LAMB4: variants seen among roughly 807,000 people sequenced by gnomAD.
The protein encoded by LAMB4 is laminin subunit beta-4.
A neutral mutation model predicts 199.2 loss-of-function variants in LAMB4; 196 were observed. That is an observed-to-expected ratio of 0.98 (90% CI 0.88 to 1.11). The LOEUF is 1.11. Among genes scored for constraint, LAMB4 ranks in the 50% least tolerant of loss-of-function variants. LAMB4 has a pLI of 0.00. For missense variants in LAMB4, 2,080 were observed against 2,171.2 expected (o/e 0.96, Z 0.83); for synonymous variants, 744 against 770.6 (o/e 0.97, Z 0.57).
At chr7:108,073,785 G>C (rs1348433298) in intron 17 of LAMB4, among the ~76,000 whole-genome samples, 1 of 152,206 alleles carries the variant, frequency 6.6e-6, no homozygotes, top group Non-Finnish European at 1.5e-5. Flanking sequence ...TTGGGTCAGA[G>C]ACCACAGTGC....
chr7:108,016,052 A>C, the LAMB4 span, among the ~76,000 whole-genome samples: 1 of 152,126 alleles, frequency 6.6e-6, no homozygotes, highest in South Asian at 2.1e-4. Context: ...AAAATGATTC[A>C]CTATTTGATG....
rs143840335 is a variant in LAMB4, at chr7:108,066,016, A to T, written c.2679-97T>A. ...ATGCTTTAAAACAGTGCACCTCTGA[A>T]AACTGAATATTTTAGAAGATGTTCA... is the stretch of plus-strand genomic sequence containing the variant. On this transcript the variant is annotated intron_variant, in intron 20 of 33. Coordinates refer to ENST00000388781, the MANE Select transcript of LAMB4 (RefSeq NM_007356.3). 1.2e-4 allele frequency: 146 copies of T among 1,193,954 alleles called. 1 individual carries two copies. In the East Asian group the frequency reaches 3.3e-3, roughly 27 times the overall value. 74.0% of individuals were successfully genotyped at this position (1,193,954 alleles called of 1,614,324 possible). A position where few individuals can be genotyped will look rare whatever the true frequency, so the allele number is the denominator to read the frequency against.
intron 11 of LAMB4, among the ~76,000 whole-genome samples, chr7:108,096,321 G>A (rs1470587347): frequency 6.6e-6 from 1 of 152,072 alleles, no homozygotes; most frequent in Non-Finnish European, 1.5e-5. Context: ...CCATGTTGAT[G>A]GATGTGTCAG....
At chr7:108,028,934 T>G in intron 33 of LAMB4, 109 bp downstream of exon 33, 1 of 1,040,834 alleles carries the variant, frequency 9.6e-7, no homozygotes, top group Non-Finnish European at 1.4e-6. Flanking sequence ...CTCTCCTCAG[T>G]GGACCCAAGT....
chr7:108,081,051 G>A (rs1448902427), intron 14 of LAMB4, among the ~76,000 whole-genome samples: 1 of 152,164 alleles, frequency 6.6e-6, no homozygotes, highest in Admixed American at 6.5e-5. Flanking sequence ...GAACCTGGGA[G>A]GCAGAGGTTG....
At chr7:108,031,363 G>A (rs1407068228) in intron 31 of LAMB4, among the ~76,000 whole-genome samples, 121 of 102,200 alleles carry the variant, frequency 1.2e-3, no homozygotes, top group Non-Finnish European at 1.4e-3. Context: ...AAAAGAAAAA[G>A]GAAAAGAAAA....
chr7:108,092,539 A>G, intron 12 of LAMB4, 123 bp from the exon 13 acceptor site: 1 of 732,762 alleles, frequency 1.4e-6, no homozygotes, highest in Non-Finnish European at 2.4e-6. Context: ...GCACCATCTC[A>G]GAGAAACCTT....
At chr7:108,020,660 T>C (rs1420449041), downstream of LAMB4, among the ~76,000 whole-genome samples, 1 of 152,198 alleles carries the variant, frequency 6.6e-6, no homozygotes, top group East Asian at 1.9e-4. Context: ...TGATGGAACC[T>C]CCTATAGGCA....
At chr7:108,118,765 T>C (rs1279301934) in intron 2 of LAMB4, among the ~76,000 whole-genome samples, 1 of 150,742 alleles carries the variant, frequency 6.6e-6, no homozygotes, top group African/African-American at 2.4e-5. Flanking sequence ...AAAAAAACCA[T>C]GATCCATAAA....
chr7:108,043,980 A>T, intron 28 of LAMB4, 84 bp from the exon 29 acceptor site: 1 of 1,162,216 alleles, frequency 8.6e-7, no homozygotes, highest in Middle Eastern at 2.1e-4. Context: ...ACTTAGCTGG[A>T]CCAAATAAAA....
rs758878768 is a variant in LAMB4 at position 108,091,748 on chromosome 7, A to G, written c.1579T>C (p.Cys527Arg). ...CTACGGCCAGTGACATGTGGGCGGC[A>G]TTCACACTGCCCATTCTTGGGTGAG... ...VCSPKNGQCE[C>R]RPHVTGRSCS... Residue 527 changes from cysteine to arginine, a missense_variant, in exon 14 of 34, where the codon TGC (cysteine) becomes CGC (arginine). Physicochemically the swap from Cys to Arg is radical, Grantham distance 180. Transcript: ENST00000388781. 4 of 1,614,186 alleles carry G rather than the reference A, an allele frequency of 2.5e-6. No individual in the cohort carries two copies. In the East Asian group the frequency reaches 6.7e-5, roughly 27 times the overall value.
intron 2 of LAMB4, among the ~76,000 whole-genome samples, chr7:108,121,218 A>G (rs2038587162): frequency 6.6e-6 from 1 of 152,244 alleles, no homozygotes; most frequent in Non-Finnish European, 1.5e-5. Context: ...ATGTTATGAA[A>G]TTCCAAAATG....
chr7:108,116,687 A>G (rs893602233), intron 2 of LAMB4, among the ~76,000 whole-genome samples: 6 of 152,210 alleles, frequency 3.9e-5, no homozygotes, highest in Admixed American at 2.6e-4. Flanking sequence ...CTAGGAAAAC[A>G]CTTGGGAAAT....
chr7:108,077,497 A>T (rs1260812786), intron 16 of LAMB4, among the ~76,000 whole-genome samples: 1 of 152,174 alleles, frequency 6.6e-6, no homozygotes. Context: ...GTTTGAGACC[A>T]GCCTGGCCAA....
In LAMB4 at chr7:108,069,696, A is replaced by C; in HGVS notation, c.2302+12T>G. On this transcript the variant is annotated intron_variant, in intron 18 of 33. Transcript: ENST00000388781. ...TCAGTGCCTCAGTAGAGCCCATTAA[A>C]CAGATACTTACCCACAGCCCCATCA... 6.2e-7 allele frequency: 1 copy of C among 1,611,332 alleles called. No individual in the cohort carries two copies. The highest frequency in any genetic ancestry group is 2.2e-5 in the East Asian group (1 of 44,842).
chr7:108,068,680 T>TTTTG lies in LAMB4; in HGVS notation c.2303-525_2303-522dup, dbSNP rs200857035. Among the ~76,000 whole-genome samples, 944 of 151,360 alleles carry TTTTG rather than the reference T, an allele frequency of 6.2e-3. 9 individuals are homozygous for TTTTG. The highest frequency in any genetic ancestry group is 0.024 in the Admixed American group (370 of 15,162). The stretch of plus-strand genomic sequence containing the variant: ...TCTGCCACCATACCCCTTACTAGTG[T>TTTTG]TTTGTTTGTTTGTTTGTTTGTTTGT... On this transcript the variant is annotated intron_variant, in intron 18 of 33. Transcript: ENST00000388781.
chr7:108,015,625 A>G, the LAMB4 span, among the ~76,000 whole-genome samples: 5 of 152,134 alleles, frequency 3.3e-5, no homozygotes, highest in Non-Finnish European at 7.4e-5. Context: ...TTCCTATATA[A>G]TCAAATAAAT....
At chr7:108,021,930 T>C (rs1399607773), downstream of LAMB4, among the ~76,000 whole-genome samples, 1 of 152,160 alleles carries the variant, frequency 6.6e-6, no homozygotes, top group East Asian at 1.9e-4. Flanking sequence ...ATTTAGTCAA[T>C]ATGGTACCGA....
chr7:108,013,037 G>C, the LAMB4 span, among the ~76,000 whole-genome samples: 1 of 152,180 alleles, frequency 6.6e-6, no homozygotes, highest in Non-Finnish European at 1.5e-5. Flanking sequence ...TGTGCCATAA[G>C]GCCAGGCACC....
Sources: allele counts gnomAD v4.1 joint callset (sites outside exome capture counted in the v4.1 genomes callset), GRCh38; gene constraint gnomAD v4.1.1; transcripts MANE v1.5; gene names NCBI Gene and HGNC (gene_info 2026-07-23, HGNC 2026-07-21).